The following KAZN variants were observed in gnomAD, a reference collection of about 807,000 sequenced individuals.
KAZN encodes kazrin, periplakin interacting protein.
KAZN carries 40 observed loss-of-function variants against 87.4 expected under a neutral mutation model. That is an observed-to-expected ratio of 0.46 (90% CI 0.36 to 0.60). The LOEUF is 0.60. KAZN is among the 20% of genes least tolerant of loss of function. The probability of loss-of-function intolerance (pLI) is 0.00; values close to 1 mark genes in which losing one functional copy is unlikely to be tolerated. For synonymous variants in KAZN, 466 were observed against 458.3 expected (o/e 1.02, Z -0.22); for missense variants, 898 against 1,073.9 (o/e 0.84, Z 2.29).
chr1:14,866,207 CA>C (rs1651438812), intron 1 of KAZN, among the ~76,000 whole-genome samples: 1 of 152,174 alleles, frequency 6.6e-6, no homozygotes, highest in Non-Finnish European at 1.5e-5. Flanking sequence ...TCTCCTGTCC[CA>C]TCCCCACATC....
intron 2 of KAZN, among the ~76,000 whole-genome samples, chr1:14,318,206 A>G (rs900350117): frequency 3.9e-5 from 6 of 152,108 alleles, no homozygotes; most frequent in Admixed American, 6.6e-5. Context: ...GATTCTTACA[A>G]TGAAGAATTT....
chr1:14,762,508 G>A (rs1644767537), intron 1 of KAZN, among the ~76,000 whole-genome samples: 1 of 151,908 alleles, frequency 6.6e-6, no homozygotes, highest in Non-Finnish European at 1.5e-5. Context: ...GGAGGATCAT[G>A]AGGTCAGGAA....
At chr1:14,248,522 C>G (rs1018137334) in intron 2 of KAZN, among the ~76,000 whole-genome samples, 3 of 152,164 alleles carry the variant, frequency 2.0e-5, no homozygotes, top group Non-Finnish European at 4.4e-5. Flanking sequence ...GCTCCTAGCC[C>G]AGTTCAGAAG....
chr1:13,952,232 G>A (rs1047688153), intron 1 of KAZN, among the ~76,000 whole-genome samples: 2 of 151,826 alleles, frequency 1.3e-5, no homozygotes, highest in Non-Finnish European at 1.5e-5. Flanking sequence ...GTTCTGGTTT[G>A]GAGATGACTC....
chr1:14,904,026 G>T (rs1273676593), intron 1 of KAZN, among the ~76,000 whole-genome samples: 1 of 152,170 alleles, frequency 6.6e-6, no homozygotes, highest in African/African-American at 2.4e-5. Context: ...TGAATGTGTA[G>T]ACCAGGGGAC....
chr1:15,075,212 T>C (rs1639683706), intron 8 of KAZN, among the ~76,000 whole-genome samples: 1 of 152,162 alleles, frequency 6.6e-6, no homozygotes, highest in Admixed American at 6.5e-5. Context: ...CTGAACTGGT[T>C]CTGGAACCCA....
intron 2 of KAZN, among the ~76,000 whole-genome samples, chr1:14,257,959 T>TAAAAAAAAAAAAAAAAAAAAAAAAA (rs1168366132): frequency 3.5e-5 from 1 of 28,742 alleles, no homozygotes; most frequent in African/African-American, 1.1e-4. Flanking sequence ...AAAAAAACAT[T>TAAAAAAAAAAAAAAAAAAAAAAAAA]AAAAAAAAAA....
chr1:14,290,149 T>G (rs1019092068), intron 2 of KAZN, among the ~76,000 whole-genome samples: 2 of 152,218 alleles, frequency 1.3e-5, no homozygotes. Flanking sequence ...CTGACAATTA[T>G]GTGTCTTGTG....
chr1:14,300,069 C>T (rs1187715097), intron 2 of KAZN, among the ~76,000 whole-genome samples: 1 of 151,986 alleles, frequency 6.6e-6, no homozygotes, highest in Non-Finnish European at 1.5e-5. Flanking sequence ...AAGAGAGTCT[C>T]ACAAACGCAA....
At chr1:14,395,839 G>A (rs1662852174) in intron 2 of KAZN, among the ~76,000 whole-genome samples, 1 of 152,142 alleles carries the variant, frequency 6.6e-6, no homozygotes, top group Non-Finnish European at 1.5e-5. Flanking sequence ...AATCAGAGCA[G>A]TGCCAGCCAT....
rs76050454 is a variant in KAZN at position 15,021,203 on chromosome 1, C to G, written c.419-13546C>G. On this transcript the variant is annotated intron_variant, in intron 2 of 14. Coordinates refer to ENST00000376030, the MANE Select transcript of KAZN (RefSeq NM_201628.3). The surrounding 1 kb of genome is among the most constrained non-coding windows in gnomAD (Gnocchi z 4.2). ...CCGGCCATTCCCTGCTCCATGCTGC[C>G]TCTTCCTCCTTTCTCAAGACCGAGC... Among the ~76,000 whole-genome samples, 1 of 152,162 alleles carries G rather than the reference C, an allele frequency of 6.6e-6. No individual in the cohort carries two copies. The highest frequency in any genetic ancestry group is 2.4e-5 in the African/African-American group (1 of 41,418).
At chr1:14,180,513 A>G (rs1414595963) in exon 2 of KAZN, 2 of 1,550,470 alleles carry the variant, frequency 1.3e-6, no homozygotes, top group Non-Finnish European at 1.7e-6. Flanking sequence ...GAGGAGGACA[A>G]AGACCCTTTT....
chr1:14,204,885 T>C (rs1422375688), intron 2 of KAZN, among the ~76,000 whole-genome samples: 4 of 152,166 alleles, frequency 2.6e-5, no homozygotes, highest in Non-Finnish European at 1.5e-5. Context: ...AAGAGGGAAG[T>C]GTACTAGGGA....
intron 1 of KAZN, among the ~76,000 whole-genome samples, chr1:14,007,131 A>T (rs1408581183): frequency 6.6e-6 from 1 of 151,820 alleles, no homozygotes; most frequent in African/African-American, 2.4e-5. Flanking sequence ...GTTTTTTTAG[A>T]TAAGTCTTGA....
At chr1:14,294,416 T>C (rs1433081159) in intron 2 of KAZN, among the ~76,000 whole-genome samples, 1 of 152,086 alleles carries the variant, frequency 6.6e-6, no homozygotes, top group Non-Finnish European at 1.5e-5. Context: ...TCATGGTTGG[T>C]ACATGCCATA....
intron 2 of KAZN, among the ~76,000 whole-genome samples, chr1:14,366,600 G>A (rs1408160271): frequency 6.6e-6 from 1 of 152,234 alleles, no homozygotes; most frequent in African/African-American, 2.4e-5. Flanking sequence ...ACAAGTGTGA[G>A]CGGGTGCAGG....
At chr1:14,464,532 C>CT (rs375737532) in intron 2 of KAZN, among the ~76,000 whole-genome samples, 4,533 of 148,732 alleles carry the variant, frequency 0.03, 240 homozygotes, top group African/African-American at 0.1. Context: ...TAAATAATTT[C>CT]TTTTTTTTTT....
chr1:14,094,482 G>A (rs1644082067), intron 1 of KAZN, among the ~76,000 whole-genome samples: 1 of 152,132 alleles, frequency 6.6e-6, no homozygotes, highest in South Asian at 2.1e-4. Context: ...TGATTAATAT[G>A]TAAATGTTTA....
intron 2 of KAZN, among the ~76,000 whole-genome samples, chr1:14,280,599 C>T (rs1652777716): frequency 6.6e-6 from 1 of 152,028 alleles, no homozygotes; most frequent in African/African-American, 2.4e-5. Flanking sequence ...GACATATTCT[C>T]TCATAGCCTC....
Sources: allele counts gnomAD v4.1 joint callset (sites outside exome capture counted in the v4.1 genomes callset), GRCh38; gene constraint gnomAD v4.1.1; non-coding constraint Gnocchi (gnomAD v3.1); transcripts MANE v1.5; gene names NCBI Gene and HGNC (gene_info 2026-07-23, HGNC 2026-07-21).